WRAP73: variants seen among roughly 807,000 people sequenced by gnomAD.
The protein encoded by WRAP73 is WD repeat containing, antisense to TP73.
Under a neutral mutation model 59.6 loss-of-function variants are expected in WRAP73, and 55 were observed. That is an observed-to-expected ratio of 0.92 (90% confidence interval 0.74 to 1.15). The LOEUF is 1.15. WRAP73 is among the 50% of genes most tolerant of loss of function. The pLI is 0.00. For synonymous variants in WRAP73, 265 were observed against 258.2 expected, an observed-to-expected ratio of 1.03 and a Z score of -0.25; for missense variants, 592 against 608.1, an observed-to-expected ratio of 0.97 and a Z score of 0.28.
chr1:3,631,468 TC>T lies in WRAP73; in HGVS notation c.1237del (p.Glu413LysfsTer13). On this transcript the variant is annotated frameshift_variant, in exon 11 of 12. Coordinates refer to ENST00000270708, the MANE Select transcript of WRAP73 (RefSeq NM_017818.4). LOFTEE classifies it low-confidence loss of function (END_TRUNC). Reference sequence around the variant, plus strand: ...CGTGGCCTCGGGGATGTGCTTACCTTCCCCAGGCACCTGCACCGACATGCAG... The same window carrying T: ...CGTGGCCTCGGGGATGTGCTTACCTTCCCAGGCACCTGCACCGACATGCAG... ...AGCMSVQVPGEGDFAVLSLCW... is the reference protein window; with the variant it reads ...AGCMSVQVPGXGDFAVLSLCW... The T allele has an allele frequency of 6.3e-7, 1 of 1,593,358 alleles. No homozygotes were observed. The highest frequency in any genetic ancestry group is 8.5e-7 in the Non-Finnish European group (1 of 1,169,806).
chr1:3,643,285 A>G (rs1644663642), intron 3 of WRAP73, among the ~76,000 whole-genome samples: 2 of 152,378 alleles, frequency 1.3e-5, no homozygotes, highest in African/African-American at 4.8e-5. Context: ...ACATCTGTAC[A>G]GTGAGACTCA....
At chr1:3,648,382 G>A (rs1644710824) in intron 1 of WRAP73, among the ~76,000 whole-genome samples, 1 of 152,176 alleles carries the variant, frequency 6.6e-6, no homozygotes, top group Non-Finnish European at 1.5e-5. Flanking sequence ...TGTGTTTTAT[G>A]AACCGATATC....
rs148661314 is a variant in WRAP73, at chr1:3,630,981, G to T, written c.1377C>A (p.His459Gln). The part of the protein sequence containing the change: ...VGTACRQLGG[H>Q]T Reference sequence around the variant, plus strand: ...ACACGTTAGTGCACCGCTGCTACGTGTGGCCGCCCAGCTGTCTGCAGGCTG... The same window carrying T: ...ACACGTTAGTGCACCGCTGCTACGTTTGGCCGCCCAGCTGTCTGCAGGCTG... Residue 459 changes from histidine (H) to glutamine (Q), a missense_variant, in exon 12 of 12, where the codon CAC (histidine) becomes CAA (glutamine). By Grantham distance (24) the His-to-Gln change is conservative. Coordinates refer to ENST00000270708, the MANE Select transcript of WRAP73 (RefSeq NM_017818.4). 1 of 1,612,754 alleles carries T rather than the reference G, an allele frequency of 6.2e-7. No individual in the cohort carries two copies. The highest frequency in any genetic ancestry group is 8.5e-7 in the Non-Finnish European group (1 of 1,179,852).
intron 8 of WRAP73, 108 bp downstream of exon 8, chr1:3,634,889 G>C: frequency 7.6e-7 from 1 of 1,312,948 alleles, no homozygotes; most frequent in Non-Finnish European, 1.1e-6. Flanking sequence ...GGTGATGGAA[G>C]TGCCCGGTTA....
chr1:3,635,555 T>C (rs190319400), intron 6 of WRAP73: 3 of 546,676 alleles, frequency 5.5e-6, no homozygotes, highest in Admixed American at 6.6e-5. Flanking sequence ...GCACTGTGGC[T>C]CACGCCTGTA....
intron 9 of WRAP73, 160 bp from the exon 10 acceptor site, chr1:3,632,498 G>C (rs1644546411): frequency 8.5e-7 from 1 of 1,174,838 alleles, no homozygotes; most frequent in African/African-American, 1.5e-5. Flanking sequence ...AGCAAAGCCT[G>C]GCAGCCGCAG....
In WRAP73 at chr1:3,631,141, G is replaced by A. The variant is rs144260899; in HGVS notation, c.1241-24C>T. ...GCCTAGAGAGAGACAGGTGGCCAGA[G>A]GATTACAGCAGGGGAGGCCCAGATT... On this transcript the variant is annotated intron_variant, in intron 11 of 11. Transcript: ENST00000270708. 7 of 1,612,780 alleles carry A rather than the reference G, an allele frequency of 4.3e-6. No individual in the cohort carries two copies. In the African/African-American group the frequency reaches 6.7e-5, roughly 15 times the overall value.
At chr1:3,634,935 A>G in intron 8 of WRAP73, 62 bp downstream of exon 8, 2 of 1,567,022 alleles carry the variant, frequency 1.3e-6, no homozygotes, top group South Asian at 1.1e-5. Flanking sequence ...AAAGTGAAGG[A>G]GCAGTTTCCC....
At position 3,649,974 on chromosome 1, in the gene WRAP73, A is replaced by C. The variant is rs1353332321; in HGVS notation, c.26T>G (p.Leu9Arg). MNFSEVFK[L>R]SSLLCKFSPD... ...GGAGAACTTGCAGAGTAAGCTGGAG[A>C]GCTTGAATACCTCGGAGAAGTTCAT... Residue 9 changes from leucine (L) to arginine (R), a missense_variant, in exon 1 of 12, where the codon CTC becomes CGC. Transcript: ENST00000270708. The C allele has an allele frequency of 6.2e-7, 1 of 1,602,732 alleles. No individual in the cohort carries two copies. The highest frequency in any genetic ancestry group is 1.4e-5 in the African/African-American group (1 of 73,920).
At chr1:3,645,865 C>G (rs565654846) in intron 3 of WRAP73, among the ~76,000 whole-genome samples, 1 of 152,056 alleles carries the variant, frequency 6.6e-6, no homozygotes, top group Non-Finnish European at 1.5e-5. Context: ...GGGCGGCTGC[C>G]GACCGCCCCG....
intron 5 of WRAP73, 84 bp from the exon 6 acceptor site, chr1:3,636,114 G>C: frequency 2.0e-6 from 2 of 1,000,780 alleles, no homozygotes; most frequent in Non-Finnish European, 3.1e-6. Context: ...TGTTCTTAAC[G>C]CACTTAATTT....
rs912301336 is a variant in WRAP73, at chr1:3,632,254, A to G, written c.1007T>C (p.Leu336Pro). ...GAAGTAGCTGTCAGGACTAAATGCC[A>G]GCATTCCTATGCCGATTTTCGGGTT... ...RANPKIGIGM[L>P]AFSPDSYFLA... Residue 336 changes from leucine to proline, a missense_variant, in exon 10 of 12, where the codon CTG becomes CCG. Physicochemically the swap from Leu to Pro is moderately conservative, Grantham distance 98. Coordinates refer to ENST00000270708, the MANE Select transcript of WRAP73 (RefSeq NM_017818.4). 6.2e-7 allele frequency: 1 copy of G among 1,614,172 alleles called. No homozygotes were observed. The highest frequency in any genetic ancestry group is 8.5e-7 in the Non-Finnish European group (1 of 1,180,014).
intron 4 of WRAP73, among the ~76,000 whole-genome samples, chr1:3,638,517 C>T (rs1448191952): frequency 6.6e-6 from 1 of 152,208 alleles, no homozygotes; most frequent in African/African-American, 2.4e-5. Flanking sequence ...GCCACGTTGT[C>T]TTGAGTCACT....
intron 11 of WRAP73, 147 bp downstream of exon 11, chr1:3,631,319 C>G: frequency 7.6e-7 from 1 of 1,309,052 alleles, no homozygotes; most frequent in Non-Finnish European, 1.0e-6. Context: ...CCCTGTGTGT[C>G]CGTCTTGAGG....
chr1:3,631,420 G>T (rs1450202765), intron 11 of WRAP73, 46 bp downstream of exon 11: 42 of 1,547,138 alleles, frequency 2.7e-5, no homozygotes, highest in Non-Finnish European at 3.6e-5. Flanking sequence ...ATGCCAGACT[G>T]CACACAGCAA....
Position 3,633,049 on chromosome 1 carries a change from G to A in WRAP73, c.922+349C>T, listed in dbSNP as rs532179481. Reference sequence around the variant, plus strand: ...GGGCCTCAAGCCGGAGACAGCGCTCGGGAGCACCGCCGGGTTCCAGACCCA... The same window carrying A: ...GGGCCTCAAGCCGGAGACAGCGCTCAGGAGCACCGCCGGGTTCCAGACCCA... On this transcript the variant is annotated intron_variant, in intron 9 of 11. Transcript: ENST00000270708. The A allele has an allele frequency of 5.1e-5, 15 of 295,044 alleles. 1 individual carries two copies. Among genetic ancestry groups the A allele is most frequent in the African/African-American group, 2.7e-4 (12 of 43,980 alleles). The allele number at this position is 295,044 out of a possible 1,614,324, so 18.3% of individuals were successfully genotyped here.
intron 10 of WRAP73, chr1:3,631,949 T>A: frequency 7.2e-7 from 1 of 1,395,276 alleles, no homozygotes; most frequent in Non-Finnish European, 9.3e-7. Flanking sequence ...GGCTGCAGTG[T>A]GCCCAGCCCT....
intron 5 of WRAP73, 98 bp from the exon 6 acceptor site, chr1:3,636,128 T>C: frequency 1.1e-6 from 1 of 888,996 alleles, no homozygotes; most frequent in Non-Finnish European, 1.8e-6. Context: ...TTAATTTCCT[T>C]ATATAGAAAT....
chr1:3,642,207 G>A (rs1644652845), intron 3 of WRAP73, among the ~76,000 whole-genome samples: 1 of 152,096 alleles, frequency 6.6e-6, no homozygotes, highest in South Asian at 2.1e-4. Context: ...GGGAAACAAA[G>A]GGAGACCCCA....
Sources: gnomAD v4.1 joint callset for allele counts (sites outside exome capture counted in the v4.1 genomes callset) on GRCh38, gnomAD v4.1.1 for gene constraint, MANE v1.5 for transcripts, NCBI Gene and HGNC (gene_info 2026-07-23, HGNC 2026-07-21) for gene names.